Variants in CCDC171 observed in about 807,000 individuals in gnomAD.
CCDC171 encodes coiled-coil domain-containing protein 171.
In CCDC171, 177 loss-of-function variants were observed where a neutral mutation model predicts 168.2. The observed-to-expected ratio is 1.05, with a 90% CI of 0.93 to 1.19. CCDC171 has a LOEUF of 1.19. Ranked by LOEUF, CCDC171 falls within the 50% of genes most tolerant of loss-of-function variation. The probability of loss-of-function intolerance (pLI) is 0.00; values close to 1 mark genes in which losing one functional copy is unlikely to be tolerated. For missense variants in CCDC171, 1,991 were observed against 1,539.0 expected, an observed-to-expected ratio of 1.29 and a Z score of -4.91; for synonymous variants, 687 against 540.8, an observed-to-expected ratio of 1.27 and a Z score of -3.75.
chr9:15,878,913 G>C (rs1239283555), intron 24 of CCDC171, among the ~76,000 whole-genome samples: 1 of 152,106 alleles, frequency 6.6e-6, no homozygotes, highest in African/African-American at 2.4e-5. Context: ...GTAAGTGGGA[G>C]CTAAATGATG....
intron 7 of CCDC171, among the ~76,000 whole-genome samples, chr9:15,627,117 G>A (rs2045209120): frequency 6.6e-6 from 1 of 152,140 alleles, no homozygotes; most frequent in Admixed American, 6.6e-5. Context: ...GGTGTTCATA[G>A]TATTCTCTGA....
chr9:15,862,443 A>G (rs970514375), intron 23 of CCDC171, among the ~76,000 whole-genome samples: 1 of 151,564 alleles, frequency 6.6e-6, no homozygotes, highest in Admixed American at 6.6e-5. Flanking sequence ...CACTTTGTTC[A>G]TGTATTATTT....
intron 3 of CCDC171, among the ~76,000 whole-genome samples, chr9:15,985,393 T>G (rs1284064090): frequency 6.6e-6 from 1 of 152,208 alleles, no homozygotes; most frequent in African/African-American, 2.4e-5. Flanking sequence ...CTTTAATCTG[T>G]AAGTCAGCAG....
At chr9:15,731,553 G>T (rs1321753091) in intron 16 of CCDC171, among the ~76,000 whole-genome samples, 2 of 152,024 alleles carry the variant, frequency 1.3e-5, no homozygotes, top group African/African-American at 2.4e-5. Context: ...CTTCTTTATG[G>T]TCACTAGCGT....
chr9:15,878,122 T>A (rs1316581893), intron 24 of CCDC171, among the ~76,000 whole-genome samples: 2 of 151,938 alleles, frequency 1.3e-5, no homozygotes, highest in African/African-American at 4.8e-5. Context: ...AGACAACAAA[T>A]GACAAATGGG....
intron 10 of CCDC171, among the ~76,000 whole-genome samples, chr9:15,684,717 A>G (rs937703228): frequency 6.6e-6 from 1 of 152,212 alleles, no homozygotes; most frequent in Non-Finnish European, 1.5e-5. Flanking sequence ...GCAGTGTGAG[A>G]GGTATAGTAT....
At chr9:16,066,446 C>T (rs1307228032), downstream of CCDC171, among the ~76,000 whole-genome samples, 12 of 147,852 alleles carry the variant, frequency 8.1e-5, no homozygotes, top group Non-Finnish European at 1.8e-4. Flanking sequence ...GTGTTTTCTT[C>T]CTCTTTTTCT....
chr9:15,699,130 C>G (rs1279269897), intron 11 of CCDC171, among the ~76,000 whole-genome samples: 1 of 152,062 alleles, frequency 6.6e-6, no homozygotes, highest in East Asian at 1.9e-4. Context: ...TTTGTTCCTT[C>G]TGGTGTTCAG....
At chr9:16,093,822 A>AT in the CCDC171 span, among the ~76,000 whole-genome samples, 2 of 152,196 alleles carry the variant, frequency 1.3e-5, no homozygotes, top group African/African-American at 2.4e-5. Flanking sequence ...ATAGACCCAT[A>AT]TGCCACAACT....
chr9:15,820,722 G>A (rs2059737040), intron 21 of CCDC171, among the ~76,000 whole-genome samples: 1 of 116,876 alleles, frequency 8.6e-6, no homozygotes, highest in African/African-American at 3.2e-5. Context: ...AAAAGTCCAG[G>A]ACCAGATGGA....
chr9:15,805,857 C>G (rs550303308), intron 21 of CCDC171, among the ~76,000 whole-genome samples: 4 of 152,112 alleles, frequency 2.6e-5, no homozygotes, highest in Non-Finnish European at 4.4e-5. Flanking sequence ...ATTAAAGTCT[C>G]CCAGTATTAT....
chr9:15,845,101 A>T (rs1725028725), intron 21 of CCDC171, among the ~76,000 whole-genome samples: 1 of 152,178 alleles, frequency 6.6e-6, no homozygotes, highest in African/African-American at 2.4e-5. Flanking sequence ...TGCTTGAAAG[A>T]TGTCAGAAAT....
At chr9:15,599,487 C>G (rs536775774) in intron 6 of CCDC171, among the ~76,000 whole-genome samples, 2 of 152,108 alleles carry the variant, frequency 1.3e-5, no homozygotes, top group South Asian at 4.1e-4. Flanking sequence ...CCCACTCTCT[C>G]CTGGCTTGTA....
the CCDC171 span, among the ~76,000 whole-genome samples, chr9:16,073,251 A>G: frequency 6.6e-6 from 1 of 152,182 alleles, no homozygotes; most frequent in Non-Finnish European, 1.5e-5. Context: ...GAAAGCATCC[A>G]TATACTCGGG....
chr9:15,597,777 G>A (rs1184224827), intron 6 of CCDC171, among the ~76,000 whole-genome samples: 1 of 152,068 alleles, frequency 6.6e-6, no homozygotes, highest in East Asian at 1.9e-4. Flanking sequence ...TCTGGTTCTG[G>A]ACTTTTTTTG....
chr9:15,632,238 T>A (rs999929005), intron 7 of CCDC171, among the ~76,000 whole-genome samples: 75 of 146,798 alleles, frequency 5.1e-4, no homozygotes, highest in African/African-American at 1.7e-3. Flanking sequence ...ATTGTCCCTG[T>A]TTGCAGACAA....
At chr9:15,663,598 CTTTTTTTTTCT>C (rs1248519777) in intron 8 of CCDC171, among the ~76,000 whole-genome samples, 5 of 101,656 alleles carry the variant, frequency 4.9e-5, no homozygotes, top group Admixed American at 1.6e-4. Flanking sequence ...AGAGAATTTT[CTTTTTTTTTCT>C]TTTTTTTTTT....
At chr9:15,783,638 G>T (rs1205038869) in intron 20 of CCDC171, among the ~76,000 whole-genome samples, 1 of 152,000 alleles carries the variant, frequency 6.6e-6, no homozygotes, top group African/African-American at 2.4e-5. Context: ...GTTGTTTGTT[G>T]TATCTAGATT....
intron 6 of CCDC171, among the ~76,000 whole-genome samples, chr9:15,599,617 A>G (rs1455637154): frequency 6.6e-6 from 1 of 152,008 alleles, no homozygotes; most frequent in Non-Finnish European, 1.5e-5. Flanking sequence ...GAATCTGACA[A>G]TTATGTGTCT....
Sources: allele counts gnomAD v4.1 joint callset (sites outside exome capture counted in the v4.1 genomes callset), GRCh38; gene constraint gnomAD v4.1.1; transcripts MANE v1.5; gene names NCBI Gene and HGNC (gene_info 2026-07-23, HGNC 2026-07-21).